THBS2: variants seen among roughly 807,000 people sequenced by gnomAD.
The protein encoded by THBS2 is thrombospondin 2.
In THBS2, 47 loss-of-function variants were observed where a neutral mutation model predicts 135.2. The ratio of observed to expected loss-of-function variants is 0.35; its 90% CI spans 0.28 to 0.44. The LOEUF (loss-of-function observed/expected upper bound fraction) is 0.44, where lower values mean the gene tolerates loss of function less well. THBS2 is among the 20% of genes least tolerant of loss of function. The pLI is 1.00. For missense variants in THBS2, 1,288 were observed against 1,603.1 expected, an observed-to-expected ratio of 0.80 and a Z score of 3.36; for synonymous variants, 639 against 633.8, an observed-to-expected ratio of 1.01 and a Z score of -0.12.
At chr6:169,236,615 C>T (rs1256625053) in intron 9 of THBS2, among the ~76,000 whole-genome samples, 2 of 142,166 alleles carry the variant, frequency 1.4e-5, no homozygotes, top group Admixed American at 7.0e-5. Context: ...CATCCACACT[C>T]GCCATCCACA....
intron 3 of THBS2, among the ~76,000 whole-genome samples, chr6:169,247,538 TGA>T (rs1399319933): frequency 2.0e-5 from 3 of 151,924 alleles, no homozygotes; most frequent in African/African-American, 4.8e-5. Context: ...GGGGGATGTG[TGA>T]GTGTATGTAT....
intron 15 of THBS2, among the ~76,000 whole-genome samples, chr6:169,226,760 T>TCTTGATACTGAAGATACAAA (rs1219101291): frequency 6.6e-6 from 1 of 152,182 alleles, no homozygotes; most frequent in Non-Finnish European, 1.5e-5. Context: ...AGTGATGAGT[T>TCTTGATACTGAAGATACAAA]GCATTGATAC....
chr6:169,251,799 C>T (rs1780760603), intron 1 of THBS2, among the ~76,000 whole-genome samples: 1 of 151,572 alleles, frequency 6.6e-6, no homozygotes, highest in Non-Finnish European at 1.5e-5. Context: ...CTTGGCAGCA[C>T]CTGCAGACCC....
Position 169,220,294 on chromosome 6 carries a change from G to T in THBS2, c.3415C>A (p.Pro1139Thr), listed in dbSNP as rs764000550. ...CCAGCGTAGGTTTGGTCATAGATAG[G>T]TCCTGAGTCTGCCATGACCTGTTTT... The part of the protein sequence containing the change: ...EGKQVMADSG[P>T]IYDQTYAGGR... Residue 1139 changes from proline (P) to threonine (T), a missense_variant, in exon 21 of 22, where the codon CCT (proline) becomes ACT (threonine). Coordinates refer to ENST00000617924, the MANE Select transcript of THBS2 (RefSeq NM_003247.5). 8 of 1,613,798 alleles carry T rather than the reference G, an allele frequency of 5.0e-6. No individual in the cohort carries two copies. Among genetic ancestry groups the T allele is most frequent in the Non-Finnish European group, 6.8e-6 (8 of 1,179,872 alleles).
At chr6:169,231,868 C>CTCCTTCCAAATGTGCCGT in intron 13 of THBS2, 112 bp downstream of exon 13, 2 of 976,748 alleles carry the variant, frequency 2.0e-6, no homozygotes, top group Non-Finnish European at 2.9e-6. Context: ...CTGAGAGACC[C>CTCCTTCCAAATGTGCCGT]TCCTTCCAAA....
chr6:169,237,660 G>T lies in THBS2; in HGVS notation c.1265C>A (p.Thr422Lys). ...ACACTTGCTCAGACTGCAAGCCCGT[G>T]TCTGGATGGAGGGCCCCAAGCAGGT... The part of the protein sequence containing the change: ...SNTCLGPSIQ[T>K]RACSLSKCDT... The change falls in exon 8 of 22, where the codon ACA (threonine) becomes AAA (lysine). Residue 422 changes from threonine (T) to lysine (K), a missense_variant. By Grantham distance (78) the Thr-to-Lys change is moderately conservative (BLOSUM62 -1). Transcript: ENST00000617924. 2 of 1,613,008 alleles carry T rather than the reference G, an allele frequency of 1.2e-6. No homozygotes were observed. Among genetic ancestry groups the T allele is most frequent in the Non-Finnish European group, 1.7e-6 (2 of 1,179,948 alleles).
chr6:169,244,313 A>AACACACACACAC (rs35075375), intron 4 of THBS2, among the ~76,000 whole-genome samples: 2,490 of 147,266 alleles, frequency 0.017, 82 homozygotes, highest in African/African-American at 0.06. Context: ...GTATGCTGGT[A>AACACACACACAC]ACACACACAC....
At chr6:169,223,930 A>G (rs1476607935) in intron 17 of THBS2, among the ~76,000 whole-genome samples, 1 of 152,196 alleles carries the variant, frequency 6.6e-6, no homozygotes, top group Non-Finnish European at 1.5e-5. Flanking sequence ...GGTTTTTCCT[A>G]GGGAGACATG....
At chr6:169,218,620 TGGATGGATGGATG>T (rs1303289300) in intron 21 of THBS2, among the ~76,000 whole-genome samples, 1 of 132,064 alleles carries the variant, frequency 7.6e-6, no homozygotes, top group Non-Finnish European at 1.6e-5. Flanking sequence ...GATGGATGAA[TGGATGGATGGATG>T]AGATGGATGG....
At chr6:169,244,558 T>C (rs1182336221) in intron 4 of THBS2, among the ~76,000 whole-genome samples, 2 of 150,706 alleles carry the variant, frequency 1.3e-5, no homozygotes, top group Non-Finnish European at 2.9e-5. Context: ...GTTTTGTTTA[T>C]AAAAACAATA....
At chr6:169,245,806 A>AG (rs1390589162) in intron 4 of THBS2, among the ~76,000 whole-genome samples, 2 of 151,784 alleles carry the variant, frequency 1.3e-5, no homozygotes, top group African/African-American at 4.8e-5. Context: ...AAAAAAAAAA[A>AG]AAAGAAAACT....
chr6:169,235,273 C>T (rs1779994078), intron 9 of THBS2, among the ~76,000 whole-genome samples: 1 of 152,036 alleles, frequency 6.6e-6, no homozygotes, highest in African/African-American at 2.4e-5. Flanking sequence ...CCTCCTGCCC[C>T]AGCCTCCCAC....
At chr6:169,238,294 G>C (rs1242580386) in intron 7 of THBS2, among the ~76,000 whole-genome samples, 2 of 152,160 alleles carry the variant, frequency 1.3e-5, no homozygotes, top group African/African-American at 4.8e-5. Flanking sequence ...CTAATAAAAA[G>C]GAGATTCCCT....
rs777524638 is a variant in THBS2 at position 169,248,669 on chromosome 6, G to A, written c.357C>T (p.Gly119=). Residue 119 remains glycine (G), a synonymous_variant, in exon 3 of 22, where the codon GGC becomes GGT. Transcript: ENST00000617924. ...AGGTGAGATCCAGCGTGTCCGCGGG[G>A]CCGTTGGAGACGATCTCGAACTGCC... ...SQRQFEIVSN[G]PADTLDLTYW... 2 of 1,613,902 alleles carry A rather than the reference G, an allele frequency of 1.2e-6. No individual in the cohort carries two copies. Among genetic ancestry groups the A allele is most frequent in the Non-Finnish European group, 1.7e-6 (2 of 1,179,866 alleles).
intron 14 of THBS2, among the ~76,000 whole-genome samples, chr6:169,229,361 G>A (rs1039863823): frequency 2.0e-5 from 3 of 152,078 alleles, no homozygotes; most frequent in Admixed American, 6.5e-5. Flanking sequence ...AAACATTTCC[G>A]GCAGCACACC....
intron 2 of THBS2, 112 bp downstream of exon 2, chr6:169,250,621 G>A (rs773482788): frequency 1.2e-6 from 1 of 826,574 alleles, no homozygotes; most frequent in Non-Finnish European, 1.9e-6. Flanking sequence ...GAGCTAGAAG[G>A]TCCTCACGGG....
At chr6:169,237,877 C>T (rs78648166) in intron 7 of THBS2, 82 bp from the exon 8 acceptor site, 271,883 of 1,457,724 alleles carry the variant, frequency 0.19, 25,790 homozygotes, top group South Asian at 0.23. Flanking sequence ...GGGCAGCTGG[C>T]GTGGGGCCAC....
chr6:169,236,326 CCCCCA>C (rs1780065899), intron 9 of THBS2, among the ~76,000 whole-genome samples: 5 of 71,526 alleles, frequency 7.0e-5, no homozygotes, highest in Admixed American at 1.5e-4. Context: ...CACACTCACT[CCCCCA>C]TCCACACTCA....
At chr6:169,240,387 A>C in intron 6 of THBS2, 65 bp downstream of exon 6, 1 of 1,585,210 alleles carries the variant, frequency 6.3e-7, no homozygotes, top group Non-Finnish European at 8.6e-7. Context: ...ATTTCCAGGC[A>C]GTCAGGTTCT....
Sources: gnomAD v4.1 joint callset for allele counts (sites outside exome capture counted in the v4.1 genomes callset) on GRCh38, gnomAD v4.1.1 for gene constraint, MANE v1.5 for transcripts, NCBI Gene and HGNC (gene_info 2026-07-23, HGNC 2026-07-21) for gene names.